CCDC60: variants seen among roughly 807,000 people sequenced by gnomAD.
The protein encoded by CCDC60 is coiled-coil domain containing 60.
A neutral mutation model predicts 63.5 loss-of-function variants in CCDC60; 54 were observed. That is an observed-to-expected ratio of 0.85 (90% CI 0.68 to 1.07). The LOEUF (loss-of-function observed/expected upper bound fraction) is 1.07. CCDC60 is among the 50% of genes least tolerant of loss of function. CCDC60 has a pLI of 0.00. For missense variants in CCDC60, 651 were observed against 684.3 expected, an observed-to-expected ratio of 0.95 and a Z score of 0.54; for synonymous variants, 206 against 238.8, an observed-to-expected ratio of 0.86 and a Z score of 1.27.
intron 11 of CCDC60, among the ~76,000 whole-genome samples, chr12:119,528,123 G>A (rs1952742496): frequency 6.6e-6 from 1 of 152,072 alleles, no homozygotes; most frequent in Non-Finnish European, 1.5e-5. Flanking sequence ...ATTGAAAGCT[G>A]TAGGCAGTGG....
intron 2 of CCDC60, 175 bp downstream of exon 2, chr12:119,428,937 C>A (rs1234836123): frequency 2.0e-6 from 1 of 508,152 alleles, no homozygotes; most frequent in Non-Finnish European, 3.5e-6. Flanking sequence ...GCTTTCTCAG[C>A]TGGACTTTCC....
rs58415660 is a variant in CCDC60 at position 119,445,433 on chromosome 12, C to CAAAAAAAAAA, written c.170+16685_170+16694dup. Among the ~76,000 whole-genome samples, 120 of 27,192 alleles carry CAAAAAAAAAA rather than the reference C, an allele frequency of 4.4e-3. 8 individuals carry two copies. Among genetic ancestry groups the CAAAAAAAAAA allele is most frequent in the African/African-American group, 0.017 (110 of 6,354 alleles). The allele number at this position is 27,192 out of a possible 152,430, so 17.8% of individuals were successfully genotyped here. A position where few individuals can be genotyped will look rare whatever the true frequency, so the allele number is the denominator to read the frequency against. On this transcript the variant is annotated intron_variant, in intron 2 of 13. Transcript: ENST00000327554. ...TGAGTGACAGAGCGAGACTCCATCT[C>CAAAAAAAAAA]AAAAAAAAAAAAAAAAAAAAAAAGG... is the stretch of plus-strand genomic sequence containing the variant.
intron 1 of CCDC60, among the ~76,000 whole-genome samples, chr12:119,336,430 G>A (rs965317478): frequency 6.6e-6 from 1 of 152,174 alleles, no homozygotes; most frequent in East Asian, 1.9e-4. Flanking sequence ...CAAAATGATG[G>A]AATAAATCAG....
chr12:119,510,009 C>T (rs957337419), intron 7 of CCDC60, among the ~76,000 whole-genome samples: 9 of 152,076 alleles, frequency 5.9e-5, no homozygotes, highest in African/African-American at 2.2e-4. Context: ...GTACCTGGCC[C>T]CTGAAGGCCA....
chr12:119,530,583 T>G (rs1952813860), intron 12 of CCDC60, among the ~76,000 whole-genome samples: 1 of 152,190 alleles, frequency 6.6e-6, no homozygotes, highest in Admixed American at 6.5e-5. Context: ...CAAAGTCCAT[T>G]CCTTTCTTCT....
rs142399655 is a variant in CCDC60 at position 119,358,877 on chromosome 12, G to C, written c.90+23611G>C. Among the ~76,000 whole-genome samples the C allele has an allele frequency of 7.8e-4, 119 of 152,340 alleles. 3 individuals are homozygous for C. In the East Asian group the frequency reaches 0.019, roughly 24 times the overall value. ...CTTTTGGGTTGTGTTTCAGGGAGAA[G>C]ATGGGAGTGGAGCTATTACAAAATG... On this transcript the variant is annotated intron_variant, in intron 1 of 13. Transcript: ENST00000327554.
At chr12:119,389,582 A>T (rs945080780) in intron 1 of CCDC60, among the ~76,000 whole-genome samples, 3 of 152,004 alleles carry the variant, frequency 2.0e-5, no homozygotes, top group Non-Finnish European at 2.9e-5. Flanking sequence ...GTTTCCCAGG[A>T]TCACCTCCCA....
At chr12:119,505,485 T>C (rs1251355687) in intron 7 of CCDC60, among the ~76,000 whole-genome samples, 182 bp downstream of exon 7, 1 of 152,248 alleles carries the variant, frequency 6.6e-6, no homozygotes, top group East Asian at 1.9e-4. Flanking sequence ...ATATACTCCA[T>C]AACTTGGGTT....
chr12:119,347,453 T>C (rs1955609100), intron 1 of CCDC60, among the ~76,000 whole-genome samples: 1 of 152,232 alleles, frequency 6.6e-6, no homozygotes, highest in African/African-American at 2.4e-5. Flanking sequence ...TGCCTGTTTA[T>C]TTTTCTGATC....
intron 1 of CCDC60, among the ~76,000 whole-genome samples, chr12:119,422,237 A>C (rs1956826141): frequency 6.6e-6 from 1 of 152,210 alleles, no homozygotes; most frequent in South Asian, 2.1e-4. Context: ...AAGGGAAGCA[A>C]AGACAGAAAA....
At chr12:119,384,452 T>C (rs1956039958) in intron 1 of CCDC60, among the ~76,000 whole-genome samples, 1 of 152,202 alleles carries the variant, frequency 6.6e-6, no homozygotes, top group South Asian at 2.1e-4. Flanking sequence ...CTCTGTCGAC[T>C]GCAATGTAAG....
In CCDC60 at chr12:119,504,671, TA is replaced by T. The variant is rs1484030322; in HGVS notation, c.649-397del. On this transcript the variant is annotated intron_variant, in intron 6 of 13. Coordinates refer to ENST00000327554, the MANE Select transcript of CCDC60 (RefSeq NM_178499.5). ...CAAAACCAAGATGTGGTTAAAAAAT[TA>T]GACCCATCCTCATACACAGTTTGAA... Among the ~76,000 whole-genome samples the T allele has an allele frequency of 3.9e-5, 6 of 152,280 alleles. No individual in the cohort carries two copies. In the East Asian group the frequency reaches 1.2e-3, roughly 29 times the overall value.
At chr12:119,346,833 T>TTTC in intron 1 of CCDC60, among the ~76,000 whole-genome samples, 1 of 83,130 alleles carries the variant, frequency 1.2e-5, no homozygotes, top group Non-Finnish European at 3.3e-5. Context: ...TCTTTCTTTC[T>TTTC]TTTTTTTTTG....
chr12:119,417,306 A>G (rs1956719371), intron 1 of CCDC60, among the ~76,000 whole-genome samples: 1 of 152,186 alleles, frequency 6.6e-6, no homozygotes, highest in Non-Finnish European at 1.5e-5. Flanking sequence ...CACAACAAAT[A>G]GCGATTTGGT....
At chr12:119,397,972 G>A (rs1318855950) in intron 1 of CCDC60, among the ~76,000 whole-genome samples, 3 of 26,930 alleles carry the variant, frequency 1.1e-4, no homozygotes, top group Non-Finnish European at 2.2e-4. Flanking sequence ...AGGGGGTGGC[G>A]TGGGGAGTGG....
chr12:119,399,655 A>G (rs1956351466), intron 1 of CCDC60, among the ~76,000 whole-genome samples: 1 of 152,152 alleles, frequency 6.6e-6, no homozygotes, highest in Admixed American at 6.5e-5. Context: ...GTTCTCCCTA[A>G]CAGTCCCCAA....
chr12:119,486,595 C>T (rs775869038), intron 4 of CCDC60, among the ~76,000 whole-genome samples: 2 of 152,020 alleles, frequency 1.3e-5, no homozygotes, highest in Non-Finnish European at 2.9e-5. Context: ...ATAGTAGGCG[C>T]TTAGTAGATA....
chr12:119,519,180 G>A (rs932587013), intron 8 of CCDC60, among the ~76,000 whole-genome samples: 7 of 152,026 alleles, frequency 4.6e-5, no homozygotes, highest in Non-Finnish European at 8.8e-5. Context: ...GGCTGACATC[G>A]AACTGAGGGG....
At chr12:119,386,853 G>A (rs944919426) in intron 1 of CCDC60, among the ~76,000 whole-genome samples, 17 of 152,112 alleles carry the variant, frequency 1.1e-4, no homozygotes, top group Non-Finnish European at 2.2e-4. Flanking sequence ...TCTCTCCTTT[G>A]GAAGGTCAAA....
Sources: allele counts gnomAD v4.1 joint callset (sites outside exome capture counted in the v4.1 genomes callset), GRCh38; gene constraint gnomAD v4.1.1; transcripts MANE v1.5; gene names NCBI Gene and HGNC (gene_info 2026-07-23, HGNC 2026-07-21).